The following KLHL1 variants were observed in gnomAD, a reference collection of about 807,000 sequenced individuals.
KLHL1 encodes the protein kelch-like protein 1.
Under a neutral mutation model 77.7 loss-of-function variants are expected in KLHL1, and 47 were observed. The observed-to-expected ratio is 0.60, with a 90% confidence interval of 0.48 to 0.77. KLHL1 has a LOEUF of 0.77. KLHL1 is among the 30% of genes least tolerant of loss of function. The pLI, the probability that KLHL1 is intolerant of heterozygous loss-of-function variation, is 0.00. For synonymous variants in KLHL1, 360 were observed against 325.2 expected (o/e 1.11, Z -1.15); for missense variants, 925 against 910.8 (o/e 1.02, Z -0.20).
chr13:69,766,836 C>T (rs1192967314), intron 7 of KLHL1, among the ~76,000 whole-genome samples: 2 of 152,268 alleles, frequency 1.3e-5, no homozygotes, highest in South Asian at 2.1e-4. Flanking sequence ...AGGCAACAAG[C>T]AGTGTCTGGC....
chr13:69,989,516 T>C (rs758759441), intron 1 of KLHL1, among the ~76,000 whole-genome samples: 4 of 152,176 alleles, frequency 2.6e-5, no homozygotes, highest in Admixed American at 2.6e-4. Context: ...GGTAGTTTGA[T>C]GGGAATAGCA....
chr13:70,066,560 C>T (rs543945388), intron 1 of KLHL1, among the ~76,000 whole-genome samples: 1 of 152,308 alleles, frequency 6.6e-6, no homozygotes, highest in South Asian at 2.1e-4. Flanking sequence ...ACTCTGTTTA[C>T]TACCTCCATT....
chr13:69,957,156 G>C (rs545331261), intron 3 of KLHL1, among the ~76,000 whole-genome samples: 2 of 151,724 alleles, frequency 1.3e-5, no homozygotes, highest in African/African-American at 4.8e-5. Flanking sequence ...AAAAATGGAA[G>C]TACAGAATAG....
intron 1 of KLHL1, among the ~76,000 whole-genome samples, chr13:70,025,626 T>C (rs1280245558): frequency 6.6e-6 from 1 of 151,708 alleles, no homozygotes; most frequent in Admixed American, 6.6e-5. Context: ...AGATGCTATC[T>C]GAATTCAGAA....
intron 6 of KLHL1, among the ~76,000 whole-genome samples, chr13:69,820,340 C>G (rs1182616066): frequency 6.6e-6 from 1 of 152,124 alleles, no homozygotes; most frequent in Non-Finnish European, 1.5e-5. Context: ...AATTTTACTA[C>G]TAACTCTTCA....
At chr13:70,069,420 C>T (rs150697682) in intron 1 of KLHL1, among the ~76,000 whole-genome samples, 2 of 152,250 alleles carry the variant, frequency 1.3e-5, no homozygotes, top group African/African-American at 4.8e-5. Flanking sequence ...ACTGATAAAT[C>T]ATGTATGTCT....
At chr13:70,016,319 A>T (rs918799100) in intron 1 of KLHL1, among the ~76,000 whole-genome samples, 1 of 152,200 alleles carries the variant, frequency 6.6e-6, no homozygotes, top group Admixed American at 6.5e-5. Context: ...CTGAGTTAAA[A>T]GGGTGGGAAT....
intron 4 of KLHL1, among the ~76,000 whole-genome samples, chr13:69,884,721 A>G (rs539001028): frequency 2.0e-5 from 3 of 152,162 alleles, no homozygotes; most frequent in Non-Finnish European, 2.9e-5. Flanking sequence ...AGTAGCAAGA[A>G]TAATTGCACT....
At chr13:70,084,097 A>T (rs879585597) in intron 1 of KLHL1, among the ~76,000 whole-genome samples, 1 of 152,226 alleles carries the variant, frequency 6.6e-6, no homozygotes, top group Non-Finnish European at 1.5e-5. Flanking sequence ...AGTAGATTTT[A>T]ATGCAAAAAT....
chr13:69,924,305 A>G (rs1442983127), intron 4 of KLHL1, among the ~76,000 whole-genome samples: 2 of 152,136 alleles, frequency 1.3e-5, no homozygotes, highest in East Asian at 3.9e-4. Flanking sequence ...ATGGAACAGA[A>G]TGGGAACTTA....
intron 4 of KLHL1, among the ~76,000 whole-genome samples, chr13:69,939,369 A>G (rs1883289214): frequency 9.4e-6 from 1 of 106,762 alleles, no homozygotes; most frequent in Non-Finnish European, 1.9e-5. Flanking sequence ...ATATATATAT[A>G]TATATATATA....
chr13:69,967,161 T>G (rs2137278479), intron 2 of KLHL1, among the ~76,000 whole-genome samples: 1 of 152,272 alleles, frequency 6.6e-6, no homozygotes, highest in South Asian at 2.1e-4. Context: ...AGTTTTATTT[T>G]TAGTTCTTTG....
intron 3 of KLHL1, among the ~76,000 whole-genome samples, chr13:69,943,563 G>A (rs1266453028): frequency 6.6e-6 from 1 of 151,878 alleles, no homozygotes; most frequent in Non-Finnish European, 1.5e-5. Flanking sequence ...TATATTTTAA[G>A]GTTTGTGAAA....
At chr13:70,029,969 A>G (rs1205100566) in intron 1 of KLHL1, among the ~76,000 whole-genome samples, 1 of 152,228 alleles carries the variant, frequency 6.6e-6, no homozygotes, top group Non-Finnish European at 1.5e-5. Flanking sequence ...GATAAAACAG[A>G]CTTTAAACTA....
chr13:69,738,512 C>A (rs1203709455), intron 8 of KLHL1, among the ~76,000 whole-genome samples: 1 of 152,056 alleles, frequency 6.6e-6, no homozygotes, highest in Non-Finnish European at 1.5e-5. Flanking sequence ...TAAAACACTA[C>A]AGGAGCTGTT....
At chr13:69,914,427 G>A (rs1256347223) in intron 4 of KLHL1, among the ~76,000 whole-genome samples, 2 of 151,986 alleles carry the variant, frequency 1.3e-5, no homozygotes, top group Non-Finnish European at 2.9e-5. Flanking sequence ...CTCATTTTCT[G>A]TTTCCTCAGT....
chr13:69,975,893 A>G (rs2137292145), intron 1 of KLHL1, 91 bp from the exon 2 acceptor site: 1 of 1,366,834 alleles, frequency 7.3e-7, no homozygotes, highest in East Asian at 2.9e-5. Context: ...GGTTTTTATC[A>G]TTTTCTTAAG....
chr13:70,033,604 CTTTTTTTTTTTTTTTTT>C lies in KLHL1; in HGVS notation c.498-57819_498-57803del, dbSNP rs71116981. The stretch of plus-strand genomic sequence containing the variant: ...TACAGGTGTGAGTCACCGCAACTGG[CTTTTTTTTTTTTTTTTT>C]TTTTTTTTTTTTTTTTGAGACAGAG... On this transcript the variant is annotated intron_variant, in intron 1 of 10. Transcript: ENST00000377844. Among the ~76,000 whole-genome samples, 25 of 47,188 alleles carry C rather than the reference CTTTTTTTTTTTTTTTTT, an allele frequency of 5.3e-4. No homozygotes were observed. In the South Asian group the frequency reaches 0.012, roughly 24 times the overall value. 31.0% of individuals were successfully genotyped at this position (47,188 alleles called of 152,430 possible).
chr13:69,777,997 G>C (rs1309136343), intron 7 of KLHL1, among the ~76,000 whole-genome samples: 1 of 151,608 alleles, frequency 6.6e-6, no homozygotes, highest in Non-Finnish European at 1.5e-5. Context: ...TTTCTTTAGT[G>C]TAATATTTAT....
Sources: allele counts gnomAD v4.1 joint callset (sites outside exome capture counted in the v4.1 genomes callset), GRCh38; gene constraint gnomAD v4.1.1; transcripts MANE v1.5; gene names NCBI Gene and HGNC (gene_info 2026-07-23, HGNC 2026-07-21).